Variants in PKD1L3 observed in about 807,000 individuals in gnomAD.
PKD1L3 encodes the protein polycystin-1-like protein 3.
Under a neutral mutation model 184.1 loss-of-function variants are expected in PKD1L3, and 239 were observed. That is an observed-to-expected ratio of 1.30 (90% confidence interval 1.17 to 1.45). PKD1L3 has a LOEUF of 1.45. Ranked by LOEUF, PKD1L3 falls within the 40% of genes most tolerant of loss-of-function variation. The pLI, the probability that PKD1L3 is intolerant of heterozygous loss-of-function variation, is 0.00. For missense variants in PKD1L3, 2,660 were observed against 2,067.2 expected (o/e 1.29, Z -5.56); for synonymous variants, 996 against 778.8 (o/e 1.28, Z -4.64).
rs2038957423 is a variant in PKD1L3, at chr16:71,954,142, C to A, written c.2772G>T (p.Trp924Cys). Residue 924 changes from tryptophan (W) to cysteine (C), a missense_variant, in exon 17 of 30, where the codon TGG becomes TGT. Trp to Cys is a radical substitution (Grantham distance 215). Transcript: ENST00000620267. ...TCTTGGCAGTGGTGCTGTTTATCTT[C>A]CAGAACATAACATTGATGACCATGT... ...LCNMVINVMF[W>C]KINSTTAKRD... is the part of the protein sequence containing the mutation. 1 of 1,549,348 alleles carries A rather than the reference C, an allele frequency of 6.5e-7. No homozygotes were observed. Among genetic ancestry groups the A allele is most frequent in the Admixed American group, 2.0e-5 (1 of 50,420 alleles).
chr16:71,930,014 G>T, intron 29 of PKD1L3, 38 bp downstream of exon 29: 1 of 1,531,408 alleles, frequency 6.5e-7, no homozygotes, highest in South Asian at 1.2e-5. Context: ...CTTTCCCAGT[G>T]ATATAACAGC....
chr16:71,989,877 C>T (rs970013597), intron 4 of PKD1L3, among the ~76,000 whole-genome samples: 1 of 151,964 alleles, frequency 6.6e-6, no homozygotes, highest in Admixed American at 6.6e-5. Flanking sequence ...GAGTTTGAGA[C>T]CAGCCTGGCC....
intron 25 of PKD1L3, among the ~76,000 whole-genome samples, chr16:71,936,646 C>CAGCTGGGATTA (rs1259122931): frequency 1.3e-5 from 2 of 151,620 alleles, no homozygotes; most frequent in Non-Finnish European, 2.9e-5. Context: ...TGCCACCACG[C>CAGCTGGGATTA]CCGGCTAAAT....
chr16:71,945,297 TATATATATAC>T (rs1217719821), intron 22 of PKD1L3, among the ~76,000 whole-genome samples: 65 of 70,026 alleles, frequency 9.3e-4, no homozygotes, highest in Middle Eastern at 5.7e-3. Context: ...TATATATATA[TATATATATAC>T]ACACACACAC....
intron 28 of PKD1L3, chr16:71,931,090 C>G (rs906504407): frequency 2.0e-5 from 3 of 152,150 alleles, no homozygotes; most frequent in South Asian, 4.1e-4. Flanking sequence ...TTTGTTTGCT[C>G]TATTTGTTTT....
At chr16:71,982,864 G>C (rs569717248) in intron 6 of PKD1L3, among the ~76,000 whole-genome samples, 7 of 152,202 alleles carry the variant, frequency 4.6e-5, no homozygotes, top group African/African-American at 1.4e-4. Flanking sequence ...AAAGTGTTTA[G>C]ATTACAGACA....
chr16:71,944,287 C>G, intron 22 of PKD1L3, 117 bp from the exon 23 acceptor site: 2 of 1,009,946 alleles, frequency 2.0e-6, no homozygotes, highest in Non-Finnish European at 1.5e-6. Flanking sequence ...AGGAATAAAA[C>G]TACCTATGCA....
At chr16:71,984,009 C>T in intron 6 of PKD1L3, 27 bp downstream of exon 6, 1 of 1,550,590 alleles carries the variant, frequency 6.4e-7, no homozygotes, top group Non-Finnish European at 8.7e-7. Flanking sequence ...CTCCTACCTT[C>T]TTCCCTCCCA....
At chr16:71,979,403 C>T (rs1019252712) in intron 9 of PKD1L3, among the ~76,000 whole-genome samples, 2 of 152,192 alleles carry the variant, frequency 1.3e-5, no homozygotes, top group Non-Finnish European at 2.9e-5. Context: ...GAGATCACGC[C>T]ACTGCACTCC....
intron 6 of PKD1L3, 43 bp from the exon 7 acceptor site, chr16:71,982,278 CTTTTTTT>C (rs35324670): frequency 6.4e-4 from 278 of 432,534 alleles, no homozygotes; most frequent in Middle Eastern, 1.9e-3. Flanking sequence ...GAATTGTTTG[CTTTTTTT>C]TTTTTTTTTT....
intron 12 of PKD1L3, among the ~76,000 whole-genome samples, chr16:71,972,277 T>G (rs1181227874): frequency 6.6e-6 from 1 of 152,090 alleles, no homozygotes; most frequent in Non-Finnish European, 1.5e-5. Flanking sequence ...TGCATGCCTG[T>G]AATCCCAGCT....
At chr16:71,946,676 C>G (rs1567499998) in intron 22 of PKD1L3, among the ~76,000 whole-genome samples, 1 of 149,748 alleles carries the variant, frequency 6.7e-6, no homozygotes, top group Non-Finnish European at 1.5e-5. Context: ...TGCTGATGCT[C>G]TTGACTGAAA....
Position 71,983,659 on chromosome 16 carries a change from C to CTTTTTTTTTTTT in PKD1L3, c.966+376_966+377insAAAAAAAAAAAA, listed in dbSNP as rs66523761. 9.5e-4 allele frequency among the ~76,000 whole-genome samples: 88 copies of CTTTTTTTTTTTT among 92,428 alleles called. 21 individuals are homozygous for CTTTTTTTTTTTT. The highest frequency in any genetic ancestry group is 1.7e-3 in the South Asian group (4 of 2,370). 60.6% of individuals were successfully genotyped at this position (92,428 alleles called of 152,430 possible). On this transcript the variant is annotated intron_variant, in intron 6 of 29. Transcript: ENST00000620267. The stretch of plus-strand genomic sequence containing the variant: ...GCATAAGGCACAATCTCCAGATTCT[C>CTTTTTTTTTTTT]TTTCTTTTTTTTTTTTTTTTTTTTT...
At chr16:71,955,359 C>T (rs1250676109) in intron 16 of PKD1L3, among the ~76,000 whole-genome samples, 1 of 151,710 alleles carries the variant, frequency 6.6e-6, no homozygotes, top group East Asian at 1.9e-4. Context: ...TTTAATGGGA[C>T]CCAGGAGGCA....
At chr16:71,997,419 C>CA (rs1033977972) in intron 2 of PKD1L3, among the ~76,000 whole-genome samples, 31 of 151,400 alleles carry the variant, frequency 2.0e-4, no homozygotes, top group African/African-American at 7.5e-4. Context: ...AGACCCCCCC[C>CA]CCCACAACCA....
chr16:71,964,406 T>C (rs1597330626), intron 15 of PKD1L3, among the ~76,000 whole-genome samples: 1 of 129,840 alleles, frequency 7.7e-6, no homozygotes, highest in Non-Finnish European at 1.6e-5. Context: ...TGGTGTGATC[T>C]TGGCTCACTG....
chr16:71,949,631 G>A (rs2038752133), intron 21 of PKD1L3, among the ~76,000 whole-genome samples, 152 bp downstream of exon 21: 1 of 152,098 alleles, frequency 6.6e-6, no homozygotes, highest in African/African-American at 2.4e-5. Flanking sequence ...GGGATTACAT[G>A]TGTGAGCCAC....
intron 6 of PKD1L3, 43 bp from the exon 7 acceptor site, chr16:71,982,278 C>CTTTT (rs35324670): frequency 7.5e-4 from 323 of 432,466 alleles, no homozygotes; most frequent in Middle Eastern, 1.9e-3. Context: ...GAATTGTTTG[C>CTTTT]TTTTTTTTTT....
At chr16:71,949,151 A>G (rs1339630069) in intron 21 of PKD1L3, among the ~76,000 whole-genome samples, 2 of 152,000 alleles carry the variant, frequency 1.3e-5, no homozygotes, top group Admixed American at 1.3e-4. Context: ...TAGTCTCTAC[A>G]CTTTTGTGTG....
Sources: gnomAD v4.1 joint callset for allele counts (sites outside exome capture counted in the v4.1 genomes callset) on GRCh38, gnomAD v4.1.1 for gene constraint, MANE v1.5 for transcripts, NCBI Gene and HGNC (gene_info 2026-07-23, HGNC 2026-07-21) for gene names.